Variants in KIF24 observed in about 807,000 individuals in gnomAD.
KIF24 encodes kinesin-like protein KIF24.
KIF24 carries 81 observed loss-of-function variants against 118.9 expected under a neutral mutation model. The ratio of observed to expected loss-of-function variants is 0.68; its 90% confidence interval spans 0.57 to 0.82. The LOEUF (loss-of-function observed/expected upper bound fraction) is 0.82. KIF24 is among the 40% of genes least tolerant of loss of function. KIF24 has a pLI of 0.00. For synonymous variants in KIF24, 599 were observed against 610.0 expected, an observed-to-expected ratio of 0.98 and a Z score of 0.27; for missense variants, 1,560 against 1,661.6, an observed-to-expected ratio of 0.94 and a Z score of 1.06.
intron 3 of KIF24, among the ~76,000 whole-genome samples, chr9:34,303,944 T>C (rs890748460): frequency 2.0e-5 from 3 of 152,194 alleles, no homozygotes; most frequent in Admixed American, 6.5e-5. Context: ...TTAGCTTCCA[T>C]ATTAAACTTG....
intron 9 of KIF24, among the ~76,000 whole-genome samples, 170 bp from the exon 10 acceptor site, chr9:34,259,875 C>T (rs949054540): frequency 1.3e-5 from 2 of 152,100 alleles, no homozygotes; most frequent in Admixed American, 1.3e-4. Context: ...AAAAGGTACT[C>T]ACCACATCAC....
chr9:34,276,607 AT>A (rs1722199416), intron 6 of KIF24, among the ~76,000 whole-genome samples: 1 of 152,138 alleles, frequency 6.6e-6, no homozygotes, highest in Admixed American at 6.5e-5. Flanking sequence ...AACTAAAAAT[AT>A]TTTTTCCATG....
Position 34,254,125 on chromosome 9 carries a change from GA to G in KIF24, c.*254del. 1 of 378,796 alleles carries G rather than the reference GA, an allele frequency of 2.6e-6. No individual in the cohort carries two copies. The highest frequency in any genetic ancestry group is 4.7e-6 in the Non-Finnish European group (1 of 212,478). The allele number at this position is 378,796 out of a possible 1,614,324, so 23.5% of individuals were successfully genotyped here. A position where few individuals can be genotyped will look rare whatever the true frequency, so the allele number is the denominator to read the frequency against. On this transcript the variant is annotated 3_prime_UTR_variant, in exon 13 of 13. Transcript: ENST00000402558. The stretch of plus-strand genomic sequence containing the variant: ...TTAATCATATTCTCTAGGCACAAGG[GA>G]AAGGCATTAGGTTCTTCGGCCTGGC...
intron 8 of KIF24, among the ~76,000 whole-genome samples, chr9:34,266,530 T>C (rs1835295476): frequency 6.6e-6 from 1 of 151,858 alleles, no homozygotes; most frequent in South Asian, 2.1e-4. Context: ...TACAAAAAAT[T>C]AGCTGGTTGT....
At chr9:34,328,512 T>C (rs1328206440) in intron 1 of KIF24, among the ~76,000 whole-genome samples, 3 of 152,322 alleles carry the variant, frequency 2.0e-5, no homozygotes, top group Admixed American at 6.5e-5. Context: ...GTGGACTGTG[T>C]GTGGACTTTT....
intron 6 of KIF24, among the ~76,000 whole-genome samples, chr9:34,281,000 GTAT>G (rs1835830783): frequency 6.6e-6 from 1 of 152,148 alleles, no homozygotes; most frequent in Non-Finnish European, 1.5e-5. Flanking sequence ...TGTTATCAAT[GTAT>G]TAATTCATTC....
At chr9:34,296,794 T>C (rs1238972692) in intron 4 of KIF24, among the ~76,000 whole-genome samples, 2 of 152,056 alleles carry the variant, frequency 1.3e-5, no homozygotes, top group Non-Finnish European at 2.9e-5. Context: ...CACAGAGAAA[T>C]AATATCATCA....
intron 4 of KIF24, among the ~76,000 whole-genome samples, chr9:34,296,387 C>A (rs925081385): frequency 6.6e-6 from 1 of 151,040 alleles, no homozygotes; most frequent in African/African-American, 2.4e-5. Flanking sequence ...ATTAGCCGGG[C>A]GTGGTGGCGG....
intron 3 of KIF24, among the ~76,000 whole-genome samples, chr9:34,303,331 G>C (rs1378806898): frequency 6.6e-6 from 1 of 152,070 alleles, no homozygotes; most frequent in African/African-American, 2.4e-5. Flanking sequence ...AGGATTTTAA[G>C]TAAAAAAGTA....
At chr9:34,283,419 T>C (rs987518914) in intron 6 of KIF24, among the ~76,000 whole-genome samples, 13 of 152,114 alleles carry the variant, frequency 8.5e-5, no homozygotes, top group Non-Finnish European at 1.8e-4. Context: ...ATGTAAATTA[T>C]ATCTCAATAA....
In KIF24 at chr9:34,318,670, G is replaced by T; in HGVS notation, c.-25-7299C>A. On this transcript the variant is annotated intron_variant, in intron 1 of 12. Coordinates refer to ENST00000402558, the MANE Select transcript of KIF24 (RefSeq NM_194313.4). This position sits in a 1 kb window ranked among gnomAD's most constrained non-coding sequence, Gnocchi z 4.9. The stretch of plus-strand genomic sequence containing the variant: ...TGTCGCTGGGCGGCAAGGCGACCAC[G>T]GCGTCGGAGGCCAAGGCAGTGCTGA... The T allele has an allele frequency of 1.3e-6, 2 of 1,539,996 alleles. No homozygotes were observed. The highest frequency in any genetic ancestry group is 1.2e-5 in the South Asian group (1 of 86,868).
In KIF24 at chr9:34,329,139, G is replaced by A. The variant is rs1837790722; in HGVS notation, c.-59C>T. Reference sequence around the variant, plus strand: ...AAACTCCTCGGTCTGCCCTGTCTGAGAAGAGGAGAAGACAATGCCGTCGGG... The same window carrying A: ...AAACTCCTCGGTCTGCCCTGTCTGAAAAGAGGAGAAGACAATGCCGTCGGG... On this transcript the variant is annotated 5_prime_UTR_variant, in exon 1 of 13. Coordinates refer to ENST00000402558, the MANE Select transcript of KIF24 (RefSeq NM_194313.4). 6.6e-6 allele frequency among the ~76,000 whole-genome samples: 1 copy of A among 152,218 alleles called. No homozygotes were observed. The highest frequency in any genetic ancestry group is 1.5e-5 in the Non-Finnish European group (1 of 68,034).
chr9:34,293,458 T>G (rs1331348970), intron 4 of KIF24, among the ~76,000 whole-genome samples: 1 of 104,678 alleles, frequency 9.6e-6, no homozygotes, highest in Non-Finnish European at 1.9e-5. Context: ...CCAGCCTGAG[T>G]GTCAGTGAGA....
intron 1 of KIF24, chr9:34,319,767 G>A (rs1837454758): frequency 8.4e-6 from 5 of 596,626 alleles, no homozygotes; most frequent in South Asian, 7.7e-5. Context: ...CCATGGGTGG[G>A]GGTGGACAAA....
chr9:34,281,050 G>A (rs1477570693), intron 6 of KIF24, among the ~76,000 whole-genome samples: 1 of 152,026 alleles, frequency 6.6e-6, no homozygotes, highest in Non-Finnish European at 1.5e-5. Context: ...TTTTGAGATG[G>A]AGTCTTGCTC....
At position 34,255,784 on chromosome 9, in the gene KIF24, A is replaced by T. The variant is rs1373649379; in HGVS notation, c.3823T>A (p.Ser1275Thr). ...CGGAGTGTCCCTGCAGTCTTGGGAGAGCAGCTGGGAACCAAGGGAGAACTT... is the reference window on the plus strand; with the variant it reads ...CGGAGTGTCCCTGCAGTCTTGGGAGTGCAGCTGGGAACCAAGGGAGAACTT... ...RPSSPLVPSCSPKTAGTLRQP... is the reference protein window; with the variant it reads ...RPSSPLVPSCTPKTAGTLRQP... Residue 1275 changes from serine (S) to threonine (T), a missense_variant, in exon 11 of 13, where the codon TCT becomes ACT. Transcript: ENST00000402558. 1.2e-6 allele frequency: 2 copies of T among 1,613,766 alleles called. No individual in the cohort carries two copies. The highest frequency in any genetic ancestry group is 2.2e-5 in the East Asian group (1 of 44,860).
chr9:34,289,556 T>C (rs919300603), intron 5 of KIF24, among the ~76,000 whole-genome samples: 2 of 152,188 alleles, frequency 1.3e-5, no homozygotes, highest in African/African-American at 4.8e-5. Flanking sequence ...ACAACTTCTT[T>C]TGCCTCCTAC....
At chr9:34,296,015 C>T (rs1213232231) in intron 4 of KIF24, among the ~76,000 whole-genome samples, 7 of 125,410 alleles carry the variant, frequency 5.6e-5, no homozygotes, top group East Asian at 2.5e-4. Context: ...GTCAGGAGAT[C>T]GAGACCATCC....
chr9:34,258,050 TGGGAAAACAAAA>T, intron 10 of KIF24, 69 bp from the exon 11 acceptor site: 1 of 1,223,148 alleles, frequency 8.2e-7, no homozygotes, highest in South Asian at 1.5e-5. Context: ...TATAGCTTTC[TGGGAAAACAAAA>T]ACCAAAGAAA....
Sources: gnomAD v4.1 joint callset for allele counts (sites outside exome capture counted in the v4.1 genomes callset) on GRCh38, gnomAD v4.1.1 for gene constraint, Gnocchi (gnomAD v3.1) non-coding constraint, MANE v1.5 for transcripts, NCBI Gene and HGNC (gene_info 2026-07-23, HGNC 2026-07-21) for gene names.